Variants in GABPB2 observed in about 807,000 individuals in gnomAD.
GABPB2 encodes GA-binding protein subunit beta-2.
A neutral mutation model predicts 39.1 loss-of-function variants in GABPB2; 23 were observed. The ratio of observed to expected loss-of-function variants is 0.59; its 90% CI spans 0.42 to 0.83. The LOEUF (loss-of-function observed/expected upper bound fraction) is 0.83. GABPB2 is among the 40% of genes least tolerant of loss of function. The pLI, the probability that GABPB2 is intolerant of heterozygous loss-of-function variation, is 0.00. For missense variants in GABPB2, 467 were observed against 541.1 expected (o/e 0.86, Z 1.36); for synonymous variants, 184 against 199.3 (o/e 0.92, Z 0.65).
At chr1:151,097,493 G>A (rs587645455) in intron 4 of GABPB2, among the ~76,000 whole-genome samples, 14 of 152,094 alleles carry the variant, frequency 9.2e-5, no homozygotes, top group African/African-American at 3.4e-4. Context: ...GCTAATAAGT[G>A]TTCTTGGGCT....
intron 3 of GABPB2, 34 bp from the exon 4 acceptor site, chr1:151,093,158 G>A (rs758589650): frequency 9.3e-6 from 14 of 1,512,190 alleles, no homozygotes; most frequent in Middle Eastern, 1.8e-4. Context: ...TACTATAACC[G>A]CTGTTTGTTG....
Position 151,118,174 on chromosome 1 carries a change from AAGAG to A in GABPB2, c.1273_1276del (p.Glu425GlnfsTer3), listed in dbSNP as rs780452255. ...GTAGTAGTCACAGAGGGGGAGTTGGAAGAGAGAGAGACAAAAGTGACTGGGTCAG... is the reference window on the plus strand; with the variant it reads ...GTAGTAGTCACAGAGGGGGAGTTGGAAGAGAGACAAAAGTGACTGGGTCAG... On this transcript the variant is annotated frameshift_variant, in exon 9 of 9. Coordinates refer to ENST00000368918, the MANE Select transcript of GABPB2 (RefSeq NM_144618.3). LOFTEE classifies it low-confidence loss of function (END_TRUNC). 4.3e-6 allele frequency: 7 copies of A among 1,614,128 alleles called. No homozygotes were observed. The East Asian group carries it at 1.6e-4, about 36-fold the overall frequency.
chr1:151,093,114 C>A, intron 3 of GABPB2, 78 bp from the exon 4 acceptor site: 1 of 1,101,232 alleles, frequency 9.1e-7, no homozygotes. Context: ...TATGGAAATC[C>A]TCTGTATTTG....
intron 7 of GABPB2, among the ~76,000 whole-genome samples, chr1:151,109,365 T>TATGTATATA (rs1491291362): frequency 4.3e-5 from 3 of 69,098 alleles, no homozygotes; most frequent in African/African-American, 1.5e-4. Flanking sequence ...TATATATATA[T>TATGTATATA]TTTTTTTTTT....
chr1:151,114,864 G>T (rs182765471), intron 7 of GABPB2, among the ~76,000 whole-genome samples: 4 of 150,218 alleles, frequency 2.7e-5, no homozygotes, highest in African/African-American at 9.8e-5. Context: ...ACAAAAATTA[G>T]TCAGGCGTGG....
At chr1:151,093,436 A>AT in intron 4 of GABPB2, 50 bp downstream of exon 4, 3 of 1,435,594 alleles carry the variant, frequency 2.1e-6, no homozygotes, top group Non-Finnish European at 1.9e-6. Flanking sequence ...GAAGTTAAGG[A>AT]TTTTTTTGTA....
At chr1:151,114,573 C>T (rs1680707158) in intron 7 of GABPB2, among the ~76,000 whole-genome samples, 1 of 152,016 alleles carries the variant, frequency 6.6e-6, no homozygotes, top group African/African-American at 2.4e-5. Flanking sequence ...TGGCATATGC[C>T]TATAGTCCCA....
In GABPB2 at chr1:151,088,017, A is replaced by G. The variant is rs74125088; in HGVS notation, c.1-173A>G. 4,616 of 558,422 alleles carry G rather than the reference A, an allele frequency of 8.3e-3. 136 individuals carry two copies. The highest frequency in any genetic ancestry group is 0.074 in the African/African-American group (3,909 of 53,050). 34.6% of individuals were successfully genotyped at this position (558,422 alleles called of 1,614,324 possible). On this transcript the variant is annotated intron_variant, in intron 1 of 8. Coordinates refer to ENST00000368918, the MANE Select transcript of GABPB2 (RefSeq NM_144618.3). ...TGTATTAGGGCTTGAAACATTCCCA[A>G]ATATTTTATTGTTTGTGTTAGACGA... is the stretch of plus-strand genomic sequence containing the variant.
chr1:151,086,188 T>C (rs769468005), intron 1 of GABPB2, among the ~76,000 whole-genome samples: 18 of 151,824 alleles, frequency 1.2e-4, no homozygotes, highest in African/African-American at 1.7e-4. Flanking sequence ...AGGACTGCAG[T>C]GAGCTGTGAT....
chr1:151,075,536 C>G (rs905217974), intron 1 of GABPB2, among the ~76,000 whole-genome samples: 2 of 144,810 alleles, frequency 1.4e-5, no homozygotes, highest in African/African-American at 5.2e-5. Flanking sequence ...TGCACTCTAG[C>G]CTGGGCGACA....
intron 8 of GABPB2, 142 bp from the exon 9 acceptor site, chr1:151,117,815 C>T: frequency 1.2e-6 from 1 of 845,336 alleles, no homozygotes; most frequent in Non-Finnish European, 1.9e-6. Flanking sequence ...AACTCTTGAC[C>T]TCAGATAATC....
In GABPB2 at chr1:151,086,304, C is replaced by T. The variant is rs1272065843; in HGVS notation, c.1-1886C>T. On this transcript the variant is annotated intron_variant, in intron 1 of 8. Transcript: ENST00000368918. ...TTTTGTCACACATAAATTATAAACACATATATTCAGGTGTTGAGATTTAAT... is the reference window on the plus strand; with the variant it reads ...TTTTGTCACACATAAATTATAAACATATATATTCAGGTGTTGAGATTTAAT... Among the ~76,000 whole-genome samples, 7 of 151,878 alleles carry T rather than the reference C, an allele frequency of 4.6e-5. No homozygotes were observed. In the East Asian group the frequency reaches 1.2e-3, roughly 25 times the overall value.
At chr1:151,084,273 G>A (rs1328524620) in intron 1 of GABPB2, among the ~76,000 whole-genome samples, 1 of 151,580 alleles carries the variant, frequency 6.6e-6, no homozygotes, top group Admixed American at 6.6e-5. Context: ...TGCTCAGGCT[G>A]GAGTGCAATG....
intron 3 of GABPB2, among the ~76,000 whole-genome samples, chr1:151,090,789 C>T (rs775582301): frequency 2.5e-4 from 38 of 151,530 alleles, no homozygotes; most frequent in Admixed American, 1.6e-3. Context: ...GTCAGGAATT[C>T]GAGACCAGCC....
intron 6 of GABPB2, among the ~76,000 whole-genome samples, chr1:151,106,404 C>T (rs1219533376): frequency 6.6e-6 from 1 of 152,194 alleles, no homozygotes; most frequent in Non-Finnish European, 1.5e-5. Context: ...GTGGCTCCAT[C>T]TCGACTCACT....
intron 1 of GABPB2, among the ~76,000 whole-genome samples, chr1:151,077,513 C>A (rs761617149): frequency 6.6e-6 from 1 of 151,842 alleles, no homozygotes; most frequent in Non-Finnish European, 1.5e-5. Flanking sequence ...TGCAACACCA[C>A]GCCCAGCTAA....
chr1:151,088,897 G>A (rs1026846199), intron 2 of GABPB2, among the ~76,000 whole-genome samples: 39 of 152,128 alleles, frequency 2.6e-4, no homozygotes, highest in African/African-American at 8.9e-4. Context: ...CTACTTGAGA[G>A]GCTGAGGCAG....
chr1:151,099,965 A>G (rs1179532949), intron 5 of GABPB2, among the ~76,000 whole-genome samples: 1 of 152,168 alleles, frequency 6.6e-6, no homozygotes, highest in Non-Finnish European at 1.5e-5. Flanking sequence ...CTTGACCCCA[A>G]CATGCCCACC....
intron 6 of GABPB2, among the ~76,000 whole-genome samples, chr1:151,106,529 T>A (rs1367279885): frequency 6.7e-6 from 1 of 148,282 alleles, no homozygotes; most frequent in African/African-American, 2.5e-5. Flanking sequence ...GTAGAGACAG[T>A]GTTTTGCCAT....
Sources: gnomAD v4.1 joint callset for allele counts (sites outside exome capture counted in the v4.1 genomes callset) on GRCh38, gnomAD v4.1.1 for gene constraint, MANE v1.5 for transcripts, NCBI Gene and HGNC (gene_info 2026-07-23, HGNC 2026-07-21) for gene names.